Variants in PRRC2C observed in about 807,000 individuals in gnomAD.
PRRC2C encodes proline rich coiled-coil 2C.
A neutral mutation model predicts 317.2 loss-of-function variants in PRRC2C; 72 were observed. The observed-to-expected ratio is 0.23, with a 90% confidence interval of 0.19 to 0.28. The LOEUF (loss-of-function observed/expected upper bound fraction) is 0.28, where lower values mean the gene tolerates loss of function less well. Among genes scored for constraint, PRRC2C ranks in the 10% least tolerant of loss-of-function variants. PRRC2C has a pLI of 1.00. For synonymous variants in PRRC2C, 1,296 were observed against 1,205.9 expected (o/e 1.07, Z -1.55); for missense variants, 3,074 against 3,459.7 (o/e 0.89, Z 2.80).
intron 1 of PRRC2C, among the ~76,000 whole-genome samples, chr1:171,495,572 A>G (rs1250780562): frequency 6.6e-6 from 1 of 152,204 alleles, no homozygotes; most frequent in East Asian, 1.9e-4. Flanking sequence ...ATTTGTATTA[A>G]GTTTATTTAA....
intron 28 of PRRC2C, among the ~76,000 whole-genome samples, chr1:171,581,797 T>A (rs183919136): frequency 6.6e-6 from 1 of 152,342 alleles, no homozygotes; most frequent in Non-Finnish European, 1.5e-5. Flanking sequence ...CCTTAGTGGC[T>A]TTTGTTCCTG....
At chr1:171,500,825 T>TC (rs1197510176) in intron 1 of PRRC2C, among the ~76,000 whole-genome samples, 6 of 152,014 alleles carry the variant, frequency 3.9e-5, no homozygotes, top group Non-Finnish European at 8.8e-5. Flanking sequence ...CTTTTTTTCC[T>TC]CCCCCCAAAA....
intron 17 of PRRC2C, among the ~76,000 whole-genome samples, chr1:171,546,461 A>G (rs919726304): frequency 2.7e-4 from 41 of 152,314 alleles, no homozygotes; most frequent in Admixed American, 2.0e-3. Flanking sequence ...CATCTGCCTA[A>G]TTGTTATTTG....
At chr1:171,524,642 C>T (rs1387777551) in intron 9 of PRRC2C, among the ~76,000 whole-genome samples, 179 bp from the exon 10 acceptor site, 2 of 152,136 alleles carry the variant, frequency 1.3e-5, no homozygotes, top group Non-Finnish European at 2.9e-5. Flanking sequence ...ATTGCACTTT[C>T]ATAGTATATA....
chr1:171,569,069 A>G (rs1317116994), intron 23 of PRRC2C, among the ~76,000 whole-genome samples: 1 of 152,186 alleles, frequency 6.6e-6, no homozygotes, highest in African/African-American at 2.4e-5. Context: ...CCATAGTTAT[A>G]CAGTGTCATT....
chr1:171,568,759 A>G (rs375939471), intron 23 of PRRC2C, among the ~76,000 whole-genome samples: 3 of 152,254 alleles, frequency 2.0e-5, no homozygotes, highest in African/African-American at 4.8e-5. Flanking sequence ...AAAGACAACT[A>G]TAGAATTCCC....
At chr1:171,503,864 A>G (rs928708677) in intron 1 of PRRC2C, among the ~76,000 whole-genome samples, 2 of 152,212 alleles carry the variant, frequency 1.3e-5, no homozygotes, top group African/African-American at 4.8e-5. Context: ...ACATGGCAGC[A>G]GACAAAGAGA....
intron 11 of PRRC2C, among the ~76,000 whole-genome samples, chr1:171,529,804 G>A (rs937172693): frequency 7.9e-5 from 12 of 152,146 alleles, no homozygotes; most frequent in Non-Finnish European, 1.0e-4. Flanking sequence ...TTCATCTGCT[G>A]TTCTTACCAC....
At chr1:171,512,391 A>C (rs774499111) in intron 2 of PRRC2C, 191 bp downstream of exon 2, 1 of 488,940 alleles carries the variant, frequency 2.0e-6, no homozygotes. Flanking sequence ...TTATACTTTC[A>C]TAGAGCCCTT....
chr1:171,512,309 A>G (rs750285588), intron 2 of PRRC2C, 109 bp downstream of exon 2: 6 of 797,694 alleles, frequency 7.5e-6, no homozygotes, highest in Non-Finnish European at 1.3e-5. Flanking sequence ...ATACAATGCT[A>G]TTTACATTTG....
intron 6 of PRRC2C, among the ~76,000 whole-genome samples, chr1:171,520,859 C>A (rs1051698332): frequency 7.2e-6 from 1 of 139,718 alleles, no homozygotes; most frequent in Non-Finnish European, 1.5e-5. Context: ...GGCTGGAGTG[C>A]AGTGGTGCGA....
chr1:171,509,426 A>G (rs555616322), intron 1 of PRRC2C: 22 of 152,370 alleles, frequency 1.4e-4, no homozygotes, highest in African/African-American at 5.3e-4. Context: ...AAGAGTTTAG[A>G]TAAGAAGGGA....
At chr1:171,539,759 T>G (rs1372654976) in intron 15 of PRRC2C, among the ~76,000 whole-genome samples, 1 of 152,242 alleles carries the variant, frequency 6.6e-6, no homozygotes, top group Non-Finnish European at 1.5e-5. Context: ...ATACCACATT[T>G]TCTTTATCCA....
intron 17 of PRRC2C, among the ~76,000 whole-genome samples, chr1:171,546,736 G>A (rs1210051443): frequency 3.3e-5 from 5 of 152,090 alleles, no homozygotes; most frequent in African/African-American, 1.2e-4. Flanking sequence ...GAGTAGCTGG[G>A]AGTACAAGCA....
rs370983891 is a variant in PRRC2C at position 171,513,187 on chromosome 1, G to A, written c.290+15G>A. The A allele has an allele frequency of 1.0e-5, 16 of 1,597,796 alleles. No individual in the cohort carries two copies. In the African/African-American group the frequency reaches 2.1e-4, roughly 21 times the overall value. On this transcript the variant is annotated intron_variant, in intron 3 of 34. Coordinates refer to ENST00000647382, the MANE Select transcript of PRRC2C (RefSeq NM_001387844.1). ...GAAGAAGAAAAGTGAGTCAAAGTCT[G>A]TTAAAGAATGAAGCCCTTCCCCTTT... is the stretch of plus-strand genomic sequence containing the variant.
chr1:171,544,088 G>C (rs1465110140), intron 16 of PRRC2C, among the ~76,000 whole-genome samples: 1 of 152,090 alleles, frequency 6.6e-6, no homozygotes, highest in African/African-American at 2.4e-5. Context: ...TTGCCATTAG[G>C]GACCAAGTTT....
chr1:171,545,408 C>T (rs1678891579), intron 16 of PRRC2C, 71 bp from the exon 17 acceptor site: 3 of 1,290,250 alleles, frequency 2.3e-6, no homozygotes, highest in African/African-American at 3.0e-5. Flanking sequence ...ACTTTAGAAA[C>T]TGCCAATAAG....
chr1:171,526,338 A>T (rs758189570), intron 10 of PRRC2C, among the ~76,000 whole-genome samples: 1 of 152,160 alleles, frequency 6.6e-6, no homozygotes, highest in African/African-American at 2.4e-5. Flanking sequence ...CTAGACTAAA[A>T]TTCTTTTTTT....
intron 18 of PRRC2C, among the ~76,000 whole-genome samples, chr1:171,552,857 T>C (rs1488664743): frequency 1.3e-5 from 2 of 152,196 alleles, no homozygotes; most frequent in African/African-American, 4.8e-5. Flanking sequence ...CTGCTGGATT[T>C]GGTTGACCAG....
Sources: gnomAD v4.1 joint callset for allele counts (sites outside exome capture counted in the v4.1 genomes callset) on GRCh38, gnomAD v4.1.1 for gene constraint, MANE v1.5 for transcripts, NCBI Gene and HGNC (gene_info 2026-07-23, HGNC 2026-07-21) for gene names.